Variants in TET1 observed in about 807,000 individuals in gnomAD.
TET1 encodes methylcytosine dioxygenase TET1.
Under a neutral mutation model 148.7 loss-of-function variants are expected in TET1, and 13 were observed. The observed-to-expected ratio is 0.09, with a 90% confidence interval of 0.06 to 0.14. The LOEUF is 0.14. TET1 is among the 10% of genes least tolerant of loss of function. TET1 has a pLI of 1.00. For synonymous variants in TET1, 907 were observed against 937.2 expected (o/e 0.97, Z 0.59); for missense variants, 2,182 against 2,553.8 (o/e 0.85, Z 3.14).
At chr10:68,640,544 CT>C (rs60460824) in intron 3 of TET1, among the ~76,000 whole-genome samples, 1,043 of 42,860 alleles carry the variant, frequency 0.024, no homozygotes, top group African/African-American at 0.037. Flanking sequence ...TTCTTTCTTT[CT>C]TTTTTTTTTT....
At chr10:68,667,461 A>G (rs2055209661) in intron 7 of TET1, among the ~76,000 whole-genome samples, 1 of 152,162 alleles carries the variant, frequency 6.6e-6, no homozygotes, top group Non-Finnish European at 1.5e-5. Flanking sequence ...CCTTTGGAAT[A>G]TTACTTCACT....
At chr10:68,663,820 T>C (rs1467090371) in intron 6 of TET1, among the ~76,000 whole-genome samples, 1 of 152,214 alleles carries the variant, frequency 6.6e-6, no homozygotes, top group East Asian at 1.9e-4. Flanking sequence ...TTTTTCTGTT[T>C]CCTATATGCA....
At chr10:68,588,013 C>G (rs1032030335) in intron 2 of TET1, among the ~76,000 whole-genome samples, 10 of 152,040 alleles carry the variant, frequency 6.6e-5, no homozygotes, top group Admixed American at 6.6e-4. Flanking sequence ...CAGGTGCGCA[C>G]CATTACGCCT....
chr10:68,645,914 A>G lies in TET1; in HGVS notation c.3185A>G (p.Asp1062Gly). 1 of 1,614,078 alleles carries G rather than the reference A, an allele frequency of 6.2e-7. No individual in the cohort carries two copies. The highest frequency in any genetic ancestry group is 8.5e-7 in the Non-Finnish European group (1 of 1,180,016). The change falls in exon 4 of 12, where the codon GAT becomes GGT. Residue 1062 changes from aspartate to glycine, a missense_variant. Coordinates refer to ENST00000373644, the MANE Select transcript of TET1 (RefSeq NM_030625.3). ...LDSSKKLDSD[D>G]LSCQDATHTQ... ...AGCAGCAAAAAATTGGACTCAGATG[A>G]TCTATCATGTCAGGATGCAACCCAT...
Position 68,595,767 on chromosome 10 carries a change from G to A in TET1, c.1915-5214G>A, listed in dbSNP as rs147438691. Among the ~76,000 whole-genome samples the A allele has an allele frequency of 5.9e-3, 862 of 147,178 alleles. 6 individuals carry two copies. The highest frequency in any genetic ancestry group is 9.6e-3 in the Non-Finnish European group (645 of 66,966). On this transcript the variant is annotated intron_variant, in intron 2 of 11. Transcript: ENST00000373644. The stretch of plus-strand genomic sequence containing the variant: ...CAGGTACCTGGGATTACAGGCAAGC[G>A]CCACCAGGTCTGGCTAATTTTTGTA...
chr10:68,674,942 C>T, intron 8 of TET1: 1 of 370,272 alleles, frequency 2.7e-6, no homozygotes, highest in Non-Finnish European at 5.1e-6. Flanking sequence ...TCCATGATGT[C>T]TTTGTTAGAT....
At chr10:68,622,563 G>GC (rs2054393104) in intron 3 of TET1, among the ~76,000 whole-genome samples, 1 of 151,822 alleles carries the variant, frequency 6.6e-6, no homozygotes, top group Non-Finnish European at 1.5e-5. Flanking sequence ...ACCACACCCG[G>GC]CCCCTCATTG....
chr10:68,680,308 G>A (rs2055418639), intron 8 of TET1, among the ~76,000 whole-genome samples: 1 of 152,290 alleles, frequency 6.6e-6, no homozygotes, highest in South Asian at 2.1e-4. Context: ...TGAGGCGAAA[G>A]CCTCACTCAC....
chr10:68,661,743 T>C (rs10740306), intron 6 of TET1, among the ~76,000 whole-genome samples: 142,405 of 152,078 alleles, frequency 0.94, 66,712 homozygotes, highest in East Asian at 0.98. Flanking sequence ...CCTTGGCCTC[T>C]CAATGTGTTG....
chr10:68,656,686 T>C (rs2055026402), intron 6 of TET1, among the ~76,000 whole-genome samples: 1 of 152,188 alleles, frequency 6.6e-6, no homozygotes, highest in South Asian at 2.1e-4. Flanking sequence ...CTCAATAAAT[T>C]TGTGTTGAGT....
intron 11 of TET1, among the ~76,000 whole-genome samples, chr10:68,687,439 TAGATA>T (rs945488126): frequency 2.6e-5 from 4 of 152,290 alleles, no homozygotes; most frequent in Admixed American, 1.3e-4. Context: ...GTTGTTGGCA[TAGATA>T]AGAGACATGA....
At chr10:68,620,104 A>T (rs1305368271) in intron 3 of TET1, among the ~76,000 whole-genome samples, 1 of 152,208 alleles carries the variant, frequency 6.6e-6, no homozygotes, top group Non-Finnish European at 1.5e-5. Flanking sequence ...TGAGGCAGAG[A>T]GAATTGCTTG....
Position 68,573,641 on chromosome 10 carries a change from G to A in TET1, c.1303G>A (p.Val435Ile), listed in dbSNP as rs73276466. ...CCCAGACTTGCCTGTCTTCCTTCCT[G>A]TTCCTCCAAATCCAATTGCTACCTT... is the stretch of plus-strand genomic sequence containing the variant. ...VVPDLPVFLP[V>I]PPNPIATFNA... Residue 435 changes from valine (V) to isoleucine (I), a missense_variant, in exon 2 of 12, where the codon GTT becomes ATT. Transcript: ENST00000373644. The A allele has an allele frequency of 3.1e-3, 4,977 of 1,614,080 alleles. 115 individuals are homozygous for A. The African/African-American group carries it at 0.057, about 18-fold the overall frequency.
At chr10:68,601,098 C>T in intron 3 of TET1, 64 bp downstream of exon 3, 1 of 1,420,430 alleles carries the variant, frequency 7.0e-7, no homozygotes, top group Non-Finnish European at 9.7e-7. Flanking sequence ...TTTTTCTGCA[C>T]TTGGGTATAT....
chr10:68,567,054 A>G (rs2133669257), intron 1 of TET1, among the ~76,000 whole-genome samples: 1 of 152,286 alleles, frequency 6.6e-6, no homozygotes. Flanking sequence ...AATATTTATG[A>G]ACTGAAAACT....
At chr10:68,563,543 AAT>A (rs555452030) in intron 1 of TET1, among the ~76,000 whole-genome samples, 88 of 152,358 alleles carry the variant, frequency 5.8e-4, no homozygotes, top group African/African-American at 2.0e-3. Flanking sequence ...GAAGAATTGA[AAT>A]ATGACTTTAA....
chr10:68,597,278 C>A (rs888965842), intron 2 of TET1, among the ~76,000 whole-genome samples: 12 of 152,052 alleles, frequency 7.9e-5, no homozygotes, highest in Non-Finnish European at 1.6e-4. Context: ...AAGTGATCCA[C>A]CTGCCTCAGC....
chr10:68,600,999 A>C lies in TET1; in HGVS notation c.1933A>C (p.Arg645=). The C allele has an allele frequency of 6.2e-7, 1 of 1,604,744 alleles. No individual in the cohort carries two copies. The highest frequency in any genetic ancestry group is 8.5e-7 in the Non-Finnish European group (1 of 1,178,080). The change falls in exon 3 of 12, where the codon AGG becomes CGG. Residue 645 remains arginine, a synonymous_variant. Transcript: ENST00000373644. ...VPLEVIKENK[R]PQREKKPKVL... ...TTTTTAGGTTATAAAGGAAAACAAG[A>C]GGCCCCAGAGGGAAAAGAAGCCCAA...
chr10:68,600,406 T>G (rs2054039146), intron 2 of TET1, among the ~76,000 whole-genome samples: 2 of 152,160 alleles, frequency 1.3e-5, no homozygotes, highest in Admixed American at 1.3e-4. Flanking sequence ...CCAGATCCTC[T>G]GCAGCGAACT....
Sources: allele counts gnomAD v4.1 joint callset (sites outside exome capture counted in the v4.1 genomes callset), GRCh38; gene constraint gnomAD v4.1.1; transcripts MANE v1.5; gene names NCBI Gene and HGNC (gene_info 2026-07-23, HGNC 2026-07-21).